PPP1R37: variants seen among roughly 807,000 people sequenced by gnomAD.
The protein encoded by PPP1R37 is protein phosphatase 1 regulatory subunit 37.
A neutral mutation model predicts 61.0 loss-of-function variants in PPP1R37; 21 were observed. The ratio of observed to expected loss-of-function variants is 0.34; its 90% CI spans 0.24 to 0.50. The LOEUF (loss-of-function observed/expected upper bound fraction) is 0.50, where lower values mean the gene tolerates loss of function less well. Among genes scored for constraint, PPP1R37 ranks in the 20% least tolerant of loss-of-function variants. The probability of loss-of-function intolerance (pLI) is 0.98; values close to 1 mark genes in which losing one functional copy is unlikely to be tolerated. For synonymous variants in PPP1R37, 443 were observed against 433.5 expected (o/e 1.02, Z -0.27); for missense variants, 910 against 952.7 (o/e 0.96, Z 0.59).
intron 1 of PPP1R37, among the ~76,000 whole-genome samples, chr19:45,131,549 C>T (rs1226684960): frequency 1.3e-5 from 2 of 152,154 alleles, no homozygotes; most frequent in East Asian, 3.9e-4. Flanking sequence ...CTAGTTATGC[C>T]AGCATCATAG....
chr19:45,125,318 C>T (rs2122734924), intron 1 of PPP1R37, among the ~76,000 whole-genome samples: 1 of 152,176 alleles, frequency 6.6e-6, no homozygotes, highest in South Asian at 2.1e-4. Context: ...CAAAAATTAG[C>T]CGGGTGTGGT....
intron 1 of PPP1R37, among the ~76,000 whole-genome samples, chr19:45,117,045 T>C (rs986158387): frequency 1.3e-5 from 2 of 151,962 alleles, no homozygotes; most frequent in Admixed American, 1.3e-4. Context: ...CCCAAGTATC[T>C]GGGACTACAG....
At chr19:45,102,210 C>T (rs1599689085) in intron 1 of PPP1R37, among the ~76,000 whole-genome samples, 1 of 152,232 alleles carries the variant, frequency 6.6e-6, no homozygotes, top group Non-Finnish European at 1.5e-5. Flanking sequence ...GGTGGCTTAG[C>T]GCAATATCGG....
At chr19:45,131,464 C>A (rs1968476266) in intron 1 of PPP1R37, among the ~76,000 whole-genome samples, 2 of 152,216 alleles carry the variant, frequency 1.3e-5, no homozygotes, top group South Asian at 2.1e-4. Context: ...TGTTCCAGTC[C>A]TGCCACTTCC....
At chr19:45,109,260 C>T (rs1968170756) in intron 1 of PPP1R37, among the ~76,000 whole-genome samples, 1 of 152,160 alleles carries the variant, frequency 6.6e-6, no homozygotes, top group Non-Finnish European at 1.5e-5. Flanking sequence ...GTGCAGGACA[C>T]TAAAGAGAAG....
At chr19:45,099,415 T>C (rs1451202429) in intron 1 of PPP1R37, among the ~76,000 whole-genome samples, 1 of 152,256 alleles carries the variant, frequency 6.6e-6, no homozygotes, top group Non-Finnish European at 1.5e-5. Context: ...AGTTCCAGCT[T>C]CTGCCTACTC....
At chr19:45,101,899 A>G (rs937284867) in intron 1 of PPP1R37, among the ~76,000 whole-genome samples, 10 of 152,210 alleles carry the variant, frequency 6.6e-5, no homozygotes, top group Admixed American at 5.2e-4. Context: ...TGACTTCTTC[A>G]TCAGATTCCT....
intron 1 of PPP1R37, among the ~76,000 whole-genome samples, chr19:45,103,515 C>T (rs1022635320): frequency 3.9e-5 from 6 of 152,212 alleles, no homozygotes; most frequent in Non-Finnish European, 8.8e-5. Flanking sequence ...CCGAGGCTCT[C>T]ACCAGCTGCT....
intron 4 of PPP1R37, 149 bp downstream of exon 4, chr19:45,140,755 GGAGACAT>G: frequency 1.6e-6 from 1 of 626,432 alleles, no homozygotes. Context: ...AGGGCAAGAG[GGAGACAT>G]CCAATATGAC....
chr19:45,142,375 A>T lies in PPP1R37; in HGVS notation c.791A>T (p.Asp264Val). 6.5e-7 allele frequency: 1 copy of T among 1,536,014 alleles called. No individual in the cohort carries two copies. Among genetic ancestry groups the T allele is most frequent in the Non-Finnish European group, 8.7e-7 (1 of 1,146,910 alleles). The change falls in exon 7 of 13, where the codon GAC (aspartate) becomes GTC (valine). Residue 264 changes from aspartate (D) to valine (V), a missense_variant. Asp to Val is a radical substitution (Grantham distance 152). This residue lies in a region of PPP1R37 where 280 missense variants were observed against 382.2 expected (regional missense o/e 0.73). Transcript: ENST00000221462. ...LADNKLNGLQ[D>V]SAQLGNLLKF... The stretch of plus-strand genomic sequence containing the variant: ...GACAACAAGCTCAACGGCCTGCAGG[A>T]CTCGGCCCAGCTGGGTAACCTGCTC...
At chr19:45,116,279 G>C (rs909350381) in intron 1 of PPP1R37, among the ~76,000 whole-genome samples, 1 of 152,246 alleles carries the variant, frequency 6.6e-6, no homozygotes, top group Non-Finnish European at 1.5e-5. Context: ...GGGAAGGCAG[G>C]CCTGTGGCAC....
At chr19:45,146,222 G>A in intron 11 of PPP1R37, 168 bp from the exon 12 acceptor site, 1 of 928,488 alleles carries the variant, frequency 1.1e-6, no homozygotes, top group Non-Finnish European at 1.6e-6. Context: ...GGTCCTGGGA[G>A]CTCTTCCTGG....
intron 1 of PPP1R37, among the ~76,000 whole-genome samples, chr19:45,106,003 C>G (rs970320256): frequency 1.3e-5 from 2 of 152,228 alleles, no homozygotes; most frequent in African/African-American, 2.4e-5. Context: ...TGGGGTGGAG[C>G]AGACACCAAC....
chr19:45,126,733 A>G (rs562228330), intron 1 of PPP1R37, among the ~76,000 whole-genome samples: 17 of 152,268 alleles, frequency 1.1e-4, no homozygotes, highest in South Asian at 4.1e-4. Flanking sequence ...CCCACCAGCT[A>G]TCCAGTCACC....
intron 11 of PPP1R37, 79 bp downstream of exon 11, chr19:45,146,128 A>G (rs968445): frequency 0.32 from 436,051 of 1,379,186 alleles, 70,088 homozygotes; most frequent in Non-Finnish European, 0.33. Flanking sequence ...CCTGTTGTGG[A>G]CCTCAGTTTC....
chr19:45,093,551 G>A (rs770833000), intron 1 of PPP1R37, 24 bp downstream of exon 1: 1 of 1,523,524 alleles, frequency 6.6e-7, no homozygotes. Flanking sequence ...GTGAAGCGGG[G>A]GCGGGCTCGA....
chr19:45,125,981 A>G (rs1968399419), intron 1 of PPP1R37, among the ~76,000 whole-genome samples: 1 of 152,158 alleles, frequency 6.6e-6, no homozygotes, highest in South Asian at 2.1e-4. Context: ...GGAAAGGTGG[A>G]CCACACCCCC....
At chr19:45,138,439 G>C in intron 1 of PPP1R37, 75 bp from the exon 2 acceptor site, 1 of 1,062,240 alleles carries the variant, frequency 9.4e-7, no homozygotes, top group Non-Finnish European at 1.4e-6. Flanking sequence ...AGAGGCCTTA[G>C]GGCGGGAGTG....
At chr19:45,134,826 AG>A (rs766668711) in intron 1 of PPP1R37, among the ~76,000 whole-genome samples, 3 of 152,140 alleles carry the variant, frequency 2.0e-5, no homozygotes, top group Non-Finnish European at 2.9e-5. Context: ...GACTCCTGCA[AG>A]GCCGGACCTG....
Sources: allele counts gnomAD v4.1 joint callset (sites outside exome capture counted in the v4.1 genomes callset), GRCh38; gene constraint gnomAD v4.1.1; regional missense constraint gnomAD v4.1.1; transcripts MANE v1.5; gene names NCBI Gene and HGNC (gene_info 2026-07-23, HGNC 2026-07-21).